FAM184A: variants seen among roughly 807,000 people sequenced by gnomAD.
FAM184A encodes family with sequence similarity 184 member A.
Under a neutral mutation model 143.8 loss-of-function variants are expected in FAM184A, and 99 were observed. That is an observed-to-expected ratio of 0.69 (90% CI 0.58 to 0.81). The LOEUF (loss-of-function observed/expected upper bound fraction) is 0.81, where lower values mean the gene tolerates loss of function less well. Ranked by LOEUF, FAM184A falls within the 40% of genes least tolerant of loss-of-function variation. The pLI is 0.00. For synonymous variants in FAM184A, 427 were observed against 446.4 expected (o/e 0.96, Z 0.55); for missense variants, 1,217 against 1,310.5 (o/e 0.93, Z 1.10).
intron 1 of FAM184A, among the ~76,000 whole-genome samples, chr6:119,146,696 A>G (rs987946884): frequency 3.9e-5 from 6 of 152,124 alleles, no homozygotes; most frequent in Non-Finnish European, 7.3e-5. Context: ...TATGAATTTG[A>G]CAAATAAGGA....
chr6:118,992,957 A>C (rs1185322982), intron 9 of FAM184A, among the ~76,000 whole-genome samples: 2 of 152,196 alleles, frequency 1.3e-5, no homozygotes, highest in Non-Finnish European at 2.9e-5. Flanking sequence ...ATTTTAATTA[A>C]TGAATTTTGT....
intron 1 of FAM184A, among the ~76,000 whole-genome samples, chr6:119,066,042 T>C (rs1031764463): frequency 2.0e-5 from 3 of 152,248 alleles, no homozygotes; most frequent in East Asian, 3.9e-4. Context: ...ATCCATCCCA[T>C]GTGTACAGGG....
At position 118,977,328 on chromosome 6, in the gene FAM184A, T is replaced by G. The variant is rs374923329; in HGVS notation, c.2456-1284A>C. ...TGGGTGTGGTGGTTCACACCTGTAA[T>G]CCCAGCACTTTGGGAGGCCGAGACC... On this transcript the variant is annotated intron_variant, in intron 11 of 17. Coordinates refer to ENST00000338891, the MANE Select transcript of FAM184A (RefSeq NM_024581.6). Among the ~76,000 whole-genome samples the G allele has an allele frequency of 1.6e-4, 24 of 152,326 alleles. No homozygotes were observed. In the South Asian group the frequency reaches 5.0e-3, roughly 32 times the overall value.
At chr6:118,976,198 A>C (rs1783841716) in intron 11 of FAM184A, among the ~76,000 whole-genome samples, 154 bp from the exon 12 acceptor site, 1 of 152,240 alleles carries the variant, frequency 6.6e-6, no homozygotes, top group South Asian at 2.1e-4. Flanking sequence ...AAATTTAAAT[A>C]TTACAGACTA....
intron 9 of FAM184A, among the ~76,000 whole-genome samples, chr6:118,992,290 A>C (rs1784404379): frequency 6.6e-6 from 1 of 152,128 alleles, no homozygotes. Context: ...AAGTAAAGGA[A>C]AGACATATGG....
intron 1 of FAM184A, among the ~76,000 whole-genome samples, chr6:119,075,725 A>G (rs1470173002): frequency 1.3e-5 from 2 of 152,232 alleles, no homozygotes; most frequent in African/African-American, 4.8e-5. Context: ...TAAACTCTTC[A>G]TGAGTAAAAA....
At chr6:119,066,254 A>G (rs1787448398) in intron 1 of FAM184A, among the ~76,000 whole-genome samples, 1 of 152,156 alleles carries the variant, frequency 6.6e-6, no homozygotes, top group Admixed American at 6.5e-5. Context: ...GTCTGAAAAT[A>G]GTTTTACTGG....
chr6:119,075,458 G>T (rs76073800), intron 1 of FAM184A, among the ~76,000 whole-genome samples: 7,033 of 152,202 alleles, frequency 0.046, 389 homozygotes, highest in African/African-American at 0.13. Context: ...TGAGGAAACT[G>T]AGGCTCAGTG....
chr6:119,145,636 G>T (rs947533712), intron 1 of FAM184A, among the ~76,000 whole-genome samples: 1 of 152,090 alleles, frequency 6.6e-6, no homozygotes, highest in African/African-American at 2.4e-5. Flanking sequence ...ATCTTTTAAG[G>T]CATCCATCCT....
intron 7 of FAM184A, among the ~76,000 whole-genome samples, chr6:119,004,206 T>G (rs964736400): frequency 4.6e-5 from 7 of 152,230 alleles, no homozygotes; most frequent in African/African-American, 1.7e-4. Flanking sequence ...AGCCTGGGGA[T>G]AGAGGTGACC....
chr6:119,109,650 A>G (rs1423508127), intron 1 of FAM184A, among the ~76,000 whole-genome samples: 1 of 152,216 alleles, frequency 6.6e-6, no homozygotes, highest in Non-Finnish European at 1.5e-5. Flanking sequence ...CATTGTGGCA[A>G]AATCTGACGA....
intron 16 of FAM184A, chr6:118,962,900 T>G (rs1395659331): frequency 6.6e-6 from 1 of 152,092 alleles, no homozygotes; most frequent in Non-Finnish European, 1.5e-5. Context: ...CAATTAAATT[T>G]GTAAGCTTTT....
intron 1 of FAM184A, among the ~76,000 whole-genome samples, chr6:119,132,991 G>T (rs1156610684): frequency 6.6e-6 from 1 of 152,218 alleles, no homozygotes; most frequent in Admixed American, 6.5e-5. Flanking sequence ...GATAGGATTT[G>T]TTCATAAATA....
At position 119,018,131 on chromosome 6, in the gene FAM184A, C is replaced by T. The variant is rs117595760; in HGVS notation, c.1333-1187G>A. 3.9e-3 allele frequency among the ~76,000 whole-genome samples: 597 copies of T among 152,190 alleles called. 10 individuals are homozygous for T. Among genetic ancestry groups the T allele is most frequent in the East Asian group, 0.038 (198 of 5,172 alleles). On this transcript the variant is annotated intron_variant, in intron 4 of 17. Transcript: ENST00000338891. ...AATGAACTAATGCAGATGTATATCC[C>T]GTGTTATGGGAGTATATTAGAAGGA... is the stretch of plus-strand genomic sequence containing the variant.
intron 1 of FAM184A, among the ~76,000 whole-genome samples, chr6:119,136,598 A>G (rs1344353618): frequency 6.6e-6 from 1 of 152,234 alleles, no homozygotes; most frequent in Non-Finnish European, 1.5e-5. Flanking sequence ...AAATTGAAGA[A>G]GCAACTGACC....
intron 9 of FAM184A, among the ~76,000 whole-genome samples, chr6:118,994,134 C>T (rs1784467190): frequency 6.6e-6 from 1 of 152,112 alleles, no homozygotes. Flanking sequence ...TGAATGTTTA[C>T]CACAGTTGCA....
chr6:119,019,880 T>C (rs1396570160), intron 4 of FAM184A, 98 bp downstream of exon 4: 3 of 1,087,592 alleles, frequency 2.8e-6, no homozygotes, highest in South Asian at 3.7e-5. Flanking sequence ...AAATGTATTG[T>C]TACTGGGGAG....
At chr6:119,043,320 G>A (rs1387431549) in intron 1 of FAM184A, among the ~76,000 whole-genome samples, 1 of 152,218 alleles carries the variant, frequency 6.6e-6, no homozygotes, top group Non-Finnish European at 1.5e-5. Flanking sequence ...GGTCACATAA[G>A]TGGGTAAGAA....
intron 9 of FAM184A, among the ~76,000 whole-genome samples, chr6:118,998,277 C>T (rs1784634753): frequency 6.6e-6 from 1 of 152,180 alleles, no homozygotes; most frequent in African/African-American, 2.4e-5. Context: ...TAAACTTAAT[C>T]CAGGTCCTAA....
Sources: allele counts gnomAD v4.1 joint callset (sites outside exome capture counted in the v4.1 genomes callset), GRCh38; gene constraint gnomAD v4.1.1; transcripts MANE v1.5; gene names NCBI Gene and HGNC (gene_info 2026-07-23, HGNC 2026-07-21).